The following RBFOX3 variants were observed in gnomAD, a reference collection of about 807,000 sequenced individuals.
The protein encoded by RBFOX3 is RNA binding fox-1 homolog 3.
In RBFOX3, 17 loss-of-function variants were observed where a neutral mutation model predicts 48.7. The observed-to-expected ratio is 0.35, with a 90% CI of 0.24 to 0.52. The LOEUF (loss-of-function observed/expected upper bound fraction) is 0.52. Ranked by LOEUF, RBFOX3 falls within the 20% of genes least tolerant of loss-of-function variation. The pLI, the probability that RBFOX3 is intolerant of heterozygous loss-of-function variation, is 0.94. For synonymous variants in RBFOX3, 212 were observed against 209.5 expected (o/e 1.01, Z -0.10); for missense variants, 382 against 497.5 (o/e 0.77, Z 2.21).
At position 79,480,063 on chromosome 17, in the gene RBFOX3, C is replaced by T. The variant is rs2078557519; in HGVS notation, c.-175+2391G>A. 6.6e-6 allele frequency among the ~76,000 whole-genome samples: 1 copy of T among 152,200 alleles called. No homozygotes were observed. On this transcript the variant is annotated intron_variant, in intron 2 of 14. Transcript: ENST00000693108. This position sits in a 1 kb window ranked among gnomAD's most constrained non-coding sequence, Gnocchi z 4.8. ...CCTGACCAGGAGCCGTAGTGGATGG[C>T]ACACCAGTGCTGCCTTCACAGCGAC...
rs1169988597 is a variant in RBFOX3 at position 79,480,683 on chromosome 17, C to T, written c.-175+1771G>A. Among the ~76,000 whole-genome samples the T allele has an allele frequency of 6.6e-6, 1 of 152,194 alleles. No individual in the cohort carries two copies. The highest frequency in any genetic ancestry group is 1.5e-5 in the Non-Finnish European group (1 of 68,042). ...CCTTGGCACTGGCCATTCCCTCTGT[C>T]TGGAACACTCTCCCCTCAGACATCC... On this transcript the variant is annotated intron_variant, in intron 2 of 14. Coordinates refer to ENST00000693108, the MANE Select transcript of RBFOX3 (RefSeq NM_001350451.2). The surrounding 1 kb of genome is among the most constrained non-coding windows in gnomAD (Gnocchi z 4.8).
At chr17:79,185,910 G>T (rs917434047) in intron 4 of RBFOX3, among the ~76,000 whole-genome samples, 1 of 152,214 alleles carries the variant, frequency 6.6e-6, no homozygotes, top group Admixed American at 6.5e-5. Flanking sequence ...ACCGTCTAGT[G>T]GGGGAAACCA....
chr17:79,477,031 G>A lies in RBFOX3; in HGVS notation c.-175+5423C>T, dbSNP rs1031520130. 1.8e-4 allele frequency among the ~76,000 whole-genome samples: 27 copies of A among 151,846 alleles called. No individual in the cohort carries two copies. The highest frequency in any genetic ancestry group is 4.8e-4 in the African/African-American group (20 of 41,318). On this transcript the variant is annotated intron_variant, in intron 2 of 14. Transcript: ENST00000693108. The surrounding 1 kb of genome is among the most constrained non-coding windows in gnomAD (Gnocchi z 4.8). ...GTGGATCACTTGAGGTCAGGAGTTCGAGACCAGCCTGGCCAACAGGGTGAA... is the reference window on the plus strand; with the variant it reads ...GTGGATCACTTGAGGTCAGGAGTTCAAGACCAGCCTGGCCAACAGGGTGAA...
chr17:79,110,371 G>A (rs1226983925), intron 5 of RBFOX3, among the ~76,000 whole-genome samples: 2 of 152,112 alleles, frequency 1.3e-5, no homozygotes, highest in South Asian at 2.1e-4. Context: ...ACCCACTTTC[G>A]CCTGGGGCCC....
chr17:79,336,973 A>T (rs899028155), intron 2 of RBFOX3, among the ~76,000 whole-genome samples: 15 of 152,260 alleles, frequency 9.9e-5, no homozygotes, highest in African/African-American at 3.6e-4. Flanking sequence ...TACAAAAATT[A>T]GCTGGGCATG....
At chr17:79,580,747 G>A (rs1252043180) in intron 1 of RBFOX3, among the ~76,000 whole-genome samples, 2 of 152,128 alleles carry the variant, frequency 1.3e-5, no homozygotes, top group African/African-American at 2.4e-5. Flanking sequence ...TGGTGGTCAC[G>A]ACAGAGAGGA....
At chr17:79,279,056 G>A (rs1345824846) in intron 3 of RBFOX3, among the ~76,000 whole-genome samples, 2 of 152,136 alleles carry the variant, frequency 1.3e-5, no homozygotes, top group African/African-American at 4.8e-5. Context: ...GAGAGCTTCA[G>A]TCCTCCAATT....
At chr17:79,134,661 G>C (rs1035590567) in intron 4 of RBFOX3, among the ~76,000 whole-genome samples, 2 of 152,234 alleles carry the variant, frequency 1.3e-5, no homozygotes, top group Non-Finnish European at 2.9e-5. Flanking sequence ...CTGTCCCAGG[G>C]AGGGGGTCCT....
intron 1 of RBFOX3, among the ~76,000 whole-genome samples, chr17:79,570,534 C>T (rs939643740): frequency 1.4e-4 from 22 of 152,212 alleles, no homozygotes; most frequent in African/African-American, 2.9e-4. Context: ...GGCACAGCAG[C>T]AGTCTAAGAA....
At chr17:79,345,567 T>C (rs1178252367) in intron 2 of RBFOX3, among the ~76,000 whole-genome samples, 1 of 152,228 alleles carries the variant, frequency 6.6e-6, no homozygotes, top group African/African-American at 2.4e-5. Context: ...TCCCAGCTGA[T>C]TAGTGAGGTT....
intron 2 of RBFOX3, among the ~76,000 whole-genome samples, chr17:79,350,631 C>T (rs2083740401): frequency 6.6e-6 from 1 of 152,210 alleles, no homozygotes; most frequent in African/African-American, 2.4e-5. Context: ...CCCTGCCCCA[C>T]CATGCCTCTG....
At chr17:79,272,156 A>AAAC (rs2067849798) in intron 3 of RBFOX3, among the ~76,000 whole-genome samples, 1 of 152,130 alleles carries the variant, frequency 6.6e-6, no homozygotes, top group African/African-American at 2.4e-5. Context: ...TGCTGGAGAG[A>AAAC]AACAGTCCAG....
chr17:79,201,813 A>T (rs2056802719), intron 4 of RBFOX3, among the ~76,000 whole-genome samples: 1 of 151,880 alleles, frequency 6.6e-6, no homozygotes, highest in African/African-American at 2.4e-5. Flanking sequence ...CACTTCCCTG[A>T]CTCCGCTGGA....
chr17:79,365,747 G>T (rs1187295452), intron 2 of RBFOX3, among the ~76,000 whole-genome samples: 2 of 152,222 alleles, frequency 1.3e-5, no homozygotes, highest in Non-Finnish European at 2.9e-5. Context: ...CTATGGGGAC[G>T]CTGCTATCTG....
intron 3 of RBFOX3, among the ~76,000 whole-genome samples, chr17:79,280,151 G>GCGCA (rs1555644840): frequency 4.0e-5 from 6 of 149,802 alleles, no homozygotes; most frequent in African/African-American, 1.5e-4. Context: ...ACATGTGCGT[G>GCGCA]CACACACACA....
At chr17:79,594,671 C>T (rs1008506666) in intron 1 of RBFOX3, among the ~76,000 whole-genome samples, 1 of 152,238 alleles carries the variant, frequency 6.6e-6, no homozygotes, top group East Asian at 1.9e-4. Flanking sequence ...TTTTTAAATA[C>T]AGAACTGTAC....
intron 4 of RBFOX3, among the ~76,000 whole-genome samples, chr17:79,183,970 G>C (rs1041958629): frequency 2.6e-5 from 4 of 152,288 alleles, no homozygotes; most frequent in Non-Finnish European, 5.9e-5. Flanking sequence ...CTTTGCCCCC[G>C]CTCCGTTCTC....
chr17:79,154,850 G>GGCACCTGCACAGGTGCACAT (rs59175585), intron 4 of RBFOX3, among the ~76,000 whole-genome samples: 4,921 of 152,206 alleles, frequency 0.032, 186 homozygotes, highest in East Asian at 0.19. Flanking sequence ...AACCCTCCCA[G>GGCACCTGCACAGGTGCACAT]GCACCTGCAC....
the RBFOX3 span, among the ~76,000 whole-genome samples, chr17:79,623,321 G>C: frequency 6.6e-6 from 1 of 152,216 alleles, no homozygotes; most frequent in Non-Finnish European, 1.5e-5. Context: ...CTGAGTTTGA[G>C]ATACCCCACA....
Sources: allele counts gnomAD v4.1 joint callset (sites outside exome capture counted in the v4.1 genomes callset), GRCh38; gene constraint gnomAD v4.1.1; non-coding constraint Gnocchi (gnomAD v3.1); transcripts MANE v1.5; gene names NCBI Gene and HGNC (gene_info 2026-07-23, HGNC 2026-07-21).